NUDCD3: variants seen among roughly 807,000 people sequenced by gnomAD.
NUDCD3 encodes nudC domain-containing protein 3.
Under a neutral mutation model 39.7 loss-of-function variants are expected in NUDCD3, and 13 were observed. The ratio of observed to expected loss-of-function variants is 0.33; its 90% CI spans 0.21 to 0.52. NUDCD3 has a LOEUF of 0.52. Among genes scored for constraint, NUDCD3 ranks in the 20% least tolerant of loss-of-function variants. NUDCD3 has a pLI of 0.96. For synonymous variants in NUDCD3, 175 were observed against 172.4 expected (o/e 1.02, Z -0.12); for missense variants, 453 against 458.1 (o/e 0.99, Z 0.10).
chr7:44,424,377 T>A (rs1432186025), intron 3 of NUDCD3, among the ~76,000 whole-genome samples: 1 of 151,664 alleles, frequency 6.6e-6, no homozygotes, highest in Non-Finnish European at 1.5e-5. Flanking sequence ...TGGGAGAAAA[T>A]TTTTGCAATC....
chr7:44,449,122 G>A (rs554580648), intron 2 of NUDCD3, among the ~76,000 whole-genome samples: 13 of 152,148 alleles, frequency 8.5e-5, no homozygotes, highest in Admixed American at 6.5e-4. Context: ...CTCTCCAAGG[G>A]AGAAAACTGC....
At chr7:44,455,842 C>T (rs1176791078) in intron 2 of NUDCD3, among the ~76,000 whole-genome samples, 1 of 150,982 alleles carries the variant, frequency 6.6e-6, no homozygotes, top group African/African-American at 2.4e-5. Flanking sequence ...CCGGCTAAAA[C>T]GGTGAAACCC....
In NUDCD3 at chr7:44,385,811, A is replaced by G. The variant is rs1798391413; in HGVS notation, c.*200T>C. 2 of 576,714 alleles carry G rather than the reference A, an allele frequency of 3.5e-6. No individual in the cohort carries two copies. The highest frequency in any genetic ancestry group is 1.9e-5 in the African/African-American group (1 of 53,260). 35.7% of individuals were successfully genotyped at this position (576,714 alleles called of 1,614,324 possible). On this transcript the variant is annotated 3_prime_UTR_variant, in exon 6 of 6. Coordinates refer to ENST00000355451, the MANE Select transcript of NUDCD3 (RefSeq NM_015332.4). The stretch of plus-strand genomic sequence containing the variant: ...CTCAGTGTCAGCCACAGCGGCCACC[A>G]CATAGCAGCTGGCCCCGCACCTTCT...
At chr7:44,396,711 A>G (rs1412756095) in intron 4 of NUDCD3, among the ~76,000 whole-genome samples, 3 of 152,190 alleles carry the variant, frequency 2.0e-5, no homozygotes, top group Non-Finnish European at 4.4e-5. Context: ...CACTGTCCAC[A>G]TTTAACTACT....
At position 44,384,116 on chromosome 7, in the gene NUDCD3, AAGGT is replaced by A. The variant is rs1337574400; in HGVS notation, c.*1891_*1894del. 1 of 152,182 alleles carries A rather than the reference AAGGT, an allele frequency of 6.6e-6. No homozygotes were observed. Among genetic ancestry groups the A allele is most frequent in the Non-Finnish European group, 1.5e-5 (1 of 68,044 alleles). 9.4% of individuals were successfully genotyped at this position (152,182 alleles called of 1,614,324 possible). A position where few individuals can be genotyped will look rare whatever the true frequency, so the allele number is the denominator to read the frequency against. On this transcript the variant is annotated 3_prime_UTR_variant, in exon 6 of 6. Coordinates refer to ENST00000355451, the MANE Select transcript of NUDCD3 (RefSeq NM_015332.4). ...TGACTCTCAAAGTCTCCCAAATAAC[AAGGT>A]GTAGGGCATCTCACACCACTGCATC...
rs1563182584 is a variant in NUDCD3, at chr7:44,456,044, A to AC, written c.510-28342_510-28341insG. On this transcript the variant is annotated intron_variant, in intron 2 of 5. Coordinates refer to ENST00000355451, the MANE Select transcript of NUDCD3 (RefSeq NM_015332.4). ...CCGTCTCAAAAAAAAAAAAAAAAAAAAAAAAACAAAAAAACAAACAACAAT... is the reference window on the plus strand; with the variant it reads ...CCGTCTCAAAAAAAAAAAAAAAAAAACAAAAAACAAAAAAACAAACAACAAT... Among the ~76,000 whole-genome samples the AC allele has an allele frequency of 2.1e-4, 29 of 135,630 alleles. 1 individual carries two copies. The highest frequency in any genetic ancestry group is 4.3e-4 in the Admixed American group (6 of 14,100). 89.0% of individuals were successfully genotyped at this position (135,630 alleles called of 152,430 possible). A position where few individuals can be genotyped will look rare whatever the true frequency, so the allele number is the denominator to read the frequency against.
At chr7:44,395,250 G>A (rs1425019090) in intron 4 of NUDCD3, among the ~76,000 whole-genome samples, 5 of 152,316 alleles carry the variant, frequency 3.3e-5, no homozygotes, top group Middle Eastern at 3.4e-3. Context: ...TGTTTACTCA[G>A]CTGCCACATG....
chr7:44,441,054 C>G (rs1402370159), intron 2 of NUDCD3, among the ~76,000 whole-genome samples: 4 of 152,216 alleles, frequency 2.6e-5, no homozygotes, highest in Admixed American at 1.3e-4. Context: ...CAAATAAAAG[C>G]ACTTTTCTCT....
At chr7:44,462,204 C>T (rs375342276) in intron 2 of NUDCD3, among the ~76,000 whole-genome samples, 2 of 152,132 alleles carry the variant, frequency 1.3e-5, no homozygotes, top group Non-Finnish European at 2.9e-5. Flanking sequence ...AAAAGAAATG[C>T]GTATTACCTC....
At chr7:44,445,659 T>C (rs1197490382) in intron 2 of NUDCD3, among the ~76,000 whole-genome samples, 1 of 152,154 alleles carries the variant, frequency 6.6e-6, no homozygotes. Flanking sequence ...GTGTGCACAG[T>C]GGAAGGTGTA....
At chr7:44,408,663 T>C (rs911186958) in intron 3 of NUDCD3, among the ~76,000 whole-genome samples, 5 of 152,154 alleles carry the variant, frequency 3.3e-5, no homozygotes, top group African/African-American at 1.2e-4. Context: ...TTCTTATGGA[T>C]TTTGGAAACT....
intron 2 of NUDCD3, chr7:44,468,049 C>A: frequency 6.2e-7 from 1 of 1,612,784 alleles, no homozygotes; most frequent in South Asian, 1.1e-5. Flanking sequence ...GATTCAAGGG[C>A]CAGATCTTGA....
At chr7:44,426,097 G>A (rs1799230126) in intron 3 of NUDCD3, 1 of 984,230 alleles carries the variant, frequency 1.0e-6, no homozygotes, top group Non-Finnish European at 1.2e-6. Context: ...CTGTGACCTG[G>A]GTTCTTTGCT....
In NUDCD3 at chr7:44,490,645, C is replaced by T. The variant is rs1800723637; in HGVS notation, c.-45G>A. The T allele has an allele frequency of 6.5e-7, 1 of 1,535,094 alleles. No individual in the cohort carries two copies. Among genetic ancestry groups the T allele is most frequent in the Admixed American group, 2.0e-5 (1 of 49,356 alleles). ...ACGCTTCACACACACAGCGCCGCCT[C>T]AGACCTGCCGACTGGCCACTTCCGG... On this transcript the variant is annotated 5_prime_UTR_variant, in exon 1 of 6. Transcript: ENST00000355451.
rs988572436 is a variant in NUDCD3 at position 44,392,491 on chromosome 7, G to A, written c.787-6C>T. 2.5e-6 allele frequency: 4 copies of A among 1,613,024 alleles called. No individual in the cohort carries two copies. The highest frequency in any genetic ancestry group is 3.4e-6 in the Non-Finnish European group (4 of 1,179,272). ...CCCACCTTGCTCAGGTTCACCTGGG[G>A]ACAAGCAGGACAGAGACCTGAGTCA... On this transcript the variant is annotated splice_region_variant and splice_polypyrimidine_tract_variant and intron_variant, in intron 4 of 5. Transcript: ENST00000355451.
chr7:44,462,228 A>C (rs555434584), intron 2 of NUDCD3, among the ~76,000 whole-genome samples: 1 of 152,214 alleles, frequency 6.6e-6, no homozygotes, highest in Non-Finnish European at 1.5e-5. Flanking sequence ...ATCTTTAAGA[A>C]TATTTAAGGT....
In NUDCD3 at chr7:44,385,750, G is replaced by A; in HGVS notation, c.*261C>T. The A allele has an allele frequency of 2.2e-6, 1 of 454,110 alleles. No individual in the cohort carries two copies. The highest frequency in any genetic ancestry group is 3.9e-6 in the Non-Finnish European group (1 of 256,198). 28.1% of individuals were successfully genotyped at this position (454,110 alleles called of 1,614,324 possible). On this transcript the variant is annotated 3_prime_UTR_variant, in exon 6 of 6. Coordinates refer to ENST00000355451, the MANE Select transcript of NUDCD3 (RefSeq NM_015332.4). ...AGACAAAAGCATGTGATCCCAATTT[G>A]CTGGGATATCCTCTCCTGCATTTCA...
chr7:44,425,644 ATT>A (rs1799218959), intron 3 of NUDCD3, among the ~76,000 whole-genome samples: 1 of 152,204 alleles, frequency 6.6e-6, no homozygotes, highest in African/African-American at 2.4e-5. Context: ...TGGGAAGATC[ATT>A]TGAGGCCAGG....
At chr7:44,471,198 G>A (rs921980766) in intron 2 of NUDCD3, among the ~76,000 whole-genome samples, 1 of 152,164 alleles carries the variant, frequency 6.6e-6, no homozygotes, top group African/African-American at 2.4e-5. Flanking sequence ...TCAAGTCCCT[G>A]ATATCCTGAT....
Sources: gnomAD v4.1 joint callset for allele counts (sites outside exome capture counted in the v4.1 genomes callset) on GRCh38, gnomAD v4.1.1 for gene constraint, MANE v1.5 for transcripts, NCBI Gene and HGNC (gene_info 2026-07-23, HGNC 2026-07-21) for gene names.